TBC1D19: variants seen among roughly 807,000 people sequenced by gnomAD.
The protein encoded by TBC1D19 is TBC1 domain family, member 19.
Under a neutral mutation model 89.0 loss-of-function variants are expected in TBC1D19, and 60 were observed. The ratio of observed to expected loss-of-function variants is 0.67; its 90% CI spans 0.55 to 0.84. The LOEUF (loss-of-function observed/expected upper bound fraction) is 0.84. Ranked by LOEUF, TBC1D19 falls within the 40% of genes least tolerant of loss-of-function variation. The probability of loss-of-function intolerance (pLI) is 0.00; values close to 1 mark genes in which losing one functional copy is unlikely to be tolerated. For missense variants in TBC1D19, 500 were observed against 610.8 expected (o/e 0.82, Z 1.91); for synonymous variants, 189 against 199.7 (o/e 0.95, Z 0.45).
the TBC1D19 span, among the ~76,000 whole-genome samples, chr4:26,766,964 A>G: frequency 1.3e-5 from 2 of 152,196 alleles, no homozygotes; most frequent in African/African-American, 4.8e-5. Flanking sequence ...GCTCAGAACA[A>G]TAAGACACAT....
chr4:26,728,327 T>C (rs1717435588), intron 15 of TBC1D19, among the ~76,000 whole-genome samples: 1 of 152,218 alleles, frequency 6.6e-6, no homozygotes, highest in African/African-American at 2.4e-5. Context: ...ATATAATATG[T>C]ACTTACACTT....
At chr4:26,691,690 T>C (rs903257958) in intron 13 of TBC1D19, among the ~76,000 whole-genome samples, 2 of 152,216 alleles carry the variant, frequency 1.3e-5, no homozygotes, top group African/African-American at 4.8e-5. Flanking sequence ...ATAGCTTTTA[T>C]ACATACTGAG....
downstream of TBC1D19, among the ~76,000 whole-genome samples, chr4:26,756,879 T>A (rs1297164678): frequency 2.6e-5 from 4 of 152,168 alleles, no homozygotes; most frequent in Non-Finnish European, 4.4e-5. Flanking sequence ...AGGCAGTAGA[T>A]CTGAATCTGA....
intron 7 of TBC1D19, among the ~76,000 whole-genome samples, chr4:26,641,922 G>A (rs1291343417): frequency 1.3e-5 from 2 of 152,116 alleles, no homozygotes; most frequent in Admixed American, 6.5e-5. Flanking sequence ...AAGAAATATG[G>A]GACTATGTGA....
chr4:26,717,981 T>G lies in TBC1D19; in HGVS notation c.1003T>G (p.Phe335Val). ...RDTSVLSHFA[F>V]NSASPPKSYI... is the part of the protein sequence containing the mutation. ...TACATCTGTGTTGAGTCACTTTGCA[T>G]TCAACAGTGCCTCGCCACCAAAATC... Residue 335 changes from phenylalanine to valine, a missense_variant, in exon 14 of 21, where the codon TTC becomes GTC. By Grantham distance (50) the Phe-to-Val change is conservative. Coordinates refer to ENST00000264866, the MANE Select transcript of TBC1D19 (RefSeq NM_018317.4). The G allele has an allele frequency of 6.2e-7, 1 of 1,612,320 alleles. No homozygotes were observed. Among genetic ancestry groups the G allele is most frequent in the South Asian group, 1.1e-5 (1 of 90,946 alleles).
the TBC1D19 span, among the ~76,000 whole-genome samples, chr4:26,838,451 A>T: frequency 3.3e-5 from 5 of 152,222 alleles, no homozygotes; most frequent in South Asian, 1.0e-3. Context: ...TGACTTCATG[A>T]AAAACGGGAA....
At chr4:26,580,712 G>T (rs565183355), upstream of TBC1D19, among the ~76,000 whole-genome samples, 1 of 152,332 alleles carries the variant, frequency 6.6e-6, no homozygotes, top group South Asian at 2.1e-4. Context: ...ACAGTGGAAA[G>T]TATTTTTCAC....
chr4:26,832,232 T>C, the TBC1D19 span, among the ~76,000 whole-genome samples: 1 of 152,162 alleles, frequency 6.6e-6, no homozygotes, highest in Admixed American at 6.5e-5. Context: ...GGCAAATGAG[T>C]GCAGTAAAAC....
chr4:26,624,823 A>T (rs1295929359), intron 4 of TBC1D19, among the ~76,000 whole-genome samples: 1 of 152,108 alleles, frequency 6.6e-6, no homozygotes, highest in African/African-American at 2.4e-5. Context: ...TTGAAATAAG[A>T]CTTGGACACT....
rs963066766 is a variant in TBC1D19 at position 26,756,102 on chromosome 4, A to G, written c.*1155A>G. On this transcript the variant is annotated 3_prime_UTR_variant, in exon 21 of 21. Coordinates refer to ENST00000264866, the MANE Select transcript of TBC1D19 (RefSeq NM_018317.4). ...ATTCAGTTTTACCCAAATGTATTTT[A>G]TGAGTCTTTTATTTTGGCAGTATGT... 6.6e-6 allele frequency among the ~76,000 whole-genome samples: 1 copy of G among 152,192 alleles called. No homozygotes were observed. The highest frequency in any genetic ancestry group is 2.4e-5 in the African/African-American group (1 of 41,460).
chr4:26,809,701 A>G, the TBC1D19 span, among the ~76,000 whole-genome samples: 80 of 152,256 alleles, frequency 5.3e-4, no homozygotes, highest in East Asian at 9.1e-3. Flanking sequence ...AGCCAGCCTC[A>G]GAGTTATCAC....
At chr4:26,790,403 G>A in the TBC1D19 span, among the ~76,000 whole-genome samples, 1,007 of 152,298 alleles carry the variant, frequency 6.6e-3, 5 homozygotes, top group South Asian at 0.012. Flanking sequence ...AGAAGTTAGG[G>A]TGAGTTTTTT....
chr4:26,705,798 T>C (rs1163758957), intron 13 of TBC1D19, among the ~76,000 whole-genome samples: 2 of 152,190 alleles, frequency 1.3e-5, no homozygotes, highest in Admixed American at 1.3e-4. Flanking sequence ...TCGTAGGGTC[T>C]TTGGTGTTGG....
At chr4:26,647,583 T>C (rs1057220092) in intron 7 of TBC1D19, among the ~76,000 whole-genome samples, 2 of 152,186 alleles carry the variant, frequency 1.3e-5, no homozygotes, top group African/African-American at 4.8e-5. Flanking sequence ...ACTCTTCTGC[T>C]ATCCAGTGGC....
At chr4:26,761,000 T>C (rs909764946), downstream of TBC1D19, among the ~76,000 whole-genome samples, 5 of 152,178 alleles carry the variant, frequency 3.3e-5, no homozygotes, top group Admixed American at 6.5e-5. Context: ...TCAGTACCTT[T>C]GTATAAAATT....
rs1173641270 is a variant in TBC1D19 at position 26,604,148 on chromosome 4, CTTTTTTTTTTTTTT to C, written c.100-9011_100-8998del. Among the ~76,000 whole-genome samples the C allele has an allele frequency of 2.7e-4, 32 of 120,700 alleles. 1 individual carries two copies. The highest frequency in any genetic ancestry group is 4.4e-3 in the Middle Eastern group (1 of 228). 79.2% of individuals were successfully genotyped at this position (120,700 alleles called of 152,430 possible). ...TAACATGTGTCAGAATTTTCTTTTT[CTTTTTTTTTTTTTT>C]TTTTTTTTTGAGACGGAGTGTCGCT... On this transcript the variant is annotated intron_variant, in intron 1 of 20. Transcript: ENST00000264866.
At chr4:26,665,972 A>G (rs916330235) in intron 8 of TBC1D19, among the ~76,000 whole-genome samples, 2 of 152,060 alleles carry the variant, frequency 1.3e-5, no homozygotes, top group Non-Finnish European at 2.9e-5. Flanking sequence ...GGTAGGAAAA[A>G]TTAGGAGAAA....
chr4:26,846,557 CTTCT>C, the TBC1D19 span, among the ~76,000 whole-genome samples: 1 of 152,140 alleles, frequency 6.6e-6, no homozygotes, highest in South Asian at 2.1e-4. Context: ...TCATTTTGAG[CTTCT>C]TTTTGATATG....
At chr4:26,754,017 G>A (rs979583275) in intron 20 of TBC1D19, 127 bp downstream of exon 20, 4 of 876,710 alleles carry the variant, frequency 4.6e-6, no homozygotes, top group African/African-American at 3.3e-5. Context: ...GGTAAAACCT[G>A]TTAAGTTCTG....
Sources: allele counts gnomAD v4.1 joint callset (sites outside exome capture counted in the v4.1 genomes callset), GRCh38; gene constraint gnomAD v4.1.1; transcripts MANE v1.5; gene names NCBI Gene and HGNC (gene_info 2026-07-23, HGNC 2026-07-21).